CCDC172: variants seen among roughly 807,000 people sequenced by gnomAD.
CCDC172 encodes coiled-coil domain-containing protein 172.
Under a neutral mutation model 38.0 loss-of-function variants are expected in CCDC172, and 30 were observed. The ratio of observed to expected loss-of-function variants is 0.79; its 90% CI spans 0.59 to 1.07. The LOEUF is 1.07. Among genes scored for constraint, CCDC172 ranks in the 50% least tolerant of loss-of-function variants. CCDC172 has a pLI of 0.00. For missense variants in CCDC172, 297 were observed against 290.1 expected (o/e 1.02, Z -0.17); for synonymous variants, 78 against 88.3 (o/e 0.88, Z 0.66).
At chr10:116,346,964 A>G (rs1270870175) in intron 5 of CCDC172, among the ~76,000 whole-genome samples, 2 of 152,174 alleles carry the variant, frequency 1.3e-5, no homozygotes, top group African/African-American at 2.4e-5. Flanking sequence ...ATATAAGTAG[A>G]CTTAAACTGG....
intron 5 of CCDC172, among the ~76,000 whole-genome samples, chr10:116,344,247 T>G (rs1013485760): frequency 1.3e-5 from 2 of 152,192 alleles, no homozygotes; most frequent in Non-Finnish European, 2.9e-5. Context: ...GAGAAATGCA[T>G]TCTTAGTCAG....
At chr10:116,377,947 C>T (rs1845267964) in intron 7 of CCDC172, among the ~76,000 whole-genome samples, 1 of 152,054 alleles carries the variant, frequency 6.6e-6, no homozygotes, top group Non-Finnish European at 1.5e-5. Context: ...TTGGGAGGTT[C>T]AGGCAGGTGA....
chr10:116,345,130 T>C (rs1844850007), intron 5 of CCDC172, among the ~76,000 whole-genome samples: 1 of 152,158 alleles, frequency 6.6e-6, no homozygotes, highest in Non-Finnish European at 1.5e-5. Context: ...GTAATCAAGA[T>C]AATGTGTCAC....
intron 5 of CCDC172, among the ~76,000 whole-genome samples, chr10:116,345,565 C>T (rs1844855371): frequency 2.6e-5 from 4 of 152,134 alleles, no homozygotes; most frequent in Non-Finnish European, 2.9e-5. Flanking sequence ...TTAAATATAT[C>T]TTCCAATGTA....
intron 7 of CCDC172, among the ~76,000 whole-genome samples, chr10:116,366,277 C>T (rs958833867): frequency 2.6e-5 from 4 of 152,058 alleles, no homozygotes; most frequent in Non-Finnish European, 5.9e-5. Context: ...ATTCCATACT[C>T]CCTTCATTAC....
At chr10:116,347,376 A>C (rs530466742) in intron 5 of CCDC172, among the ~76,000 whole-genome samples, 6 of 152,328 alleles carry the variant, frequency 3.9e-5, no homozygotes, top group African/African-American at 1.4e-4. Flanking sequence ...ATCAGAGGTC[A>C]TTGGTGGCCT....
At chr10:116,370,607 A>G (rs993181255) in intron 7 of CCDC172, among the ~76,000 whole-genome samples, 2 of 151,466 alleles carry the variant, frequency 1.3e-5, no homozygotes, top group African/African-American at 2.4e-5. Flanking sequence ...ATTATAAAAG[A>G]TAAATAGTAG....
chr10:116,324,827 C>CCCTCAGACA, intron 1 of CCDC172, 120 bp from the exon 2 acceptor site: 1 of 602,786 alleles, frequency 1.7e-6, no homozygotes, highest in East Asian at 2.8e-5. Flanking sequence ...ACCCTCAGAC[C>CCCTCAGACA]CCTCAGACAC....
chr10:116,367,257 A>C (rs975431502), intron 7 of CCDC172, among the ~76,000 whole-genome samples: 1 of 152,186 alleles, frequency 6.6e-6, no homozygotes. Flanking sequence ...AGGATTTTGA[A>C]TGTTCTCATG....
intron 5 of CCDC172, among the ~76,000 whole-genome samples, chr10:116,352,702 G>T (rs1844945406): frequency 6.6e-6 from 1 of 151,410 alleles, no homozygotes; most frequent in Admixed American, 6.6e-5. Flanking sequence ...CTAAGATCAG[G>T]AACAAGACAA....
intron 3 of CCDC172, among the ~76,000 whole-genome samples, chr10:116,339,464 T>C (rs1457941010): frequency 6.6e-6 from 1 of 151,930 alleles, no homozygotes; most frequent in Non-Finnish European, 1.5e-5. Context: ...GATTTGGCCA[T>C]ATGTTTTCTA....
chr10:116,343,519 T>G (rs1196122440), intron 5 of CCDC172, among the ~76,000 whole-genome samples: 8 of 146,332 alleles, frequency 5.5e-5, no homozygotes, highest in East Asian at 2.0e-4. Flanking sequence ...TCATTCGTTT[T>G]TTTTTTTTTT....
intron 3 of CCDC172, among the ~76,000 whole-genome samples, chr10:116,327,025 C>T (rs1844601063): frequency 6.6e-6 from 1 of 152,086 alleles, no homozygotes; most frequent in African/African-American, 2.4e-5. Flanking sequence ...TATCTAGAAG[C>T]TAATAGAAGT....
chr10:116,351,058 C>CT (rs1170158117), intron 5 of CCDC172, among the ~76,000 whole-genome samples: 1 of 151,710 alleles, frequency 6.6e-6, no homozygotes, highest in Non-Finnish European at 1.5e-5. Flanking sequence ...TTAGACTTAC[C>CT]TTTTTCATTT....
intron 3 of CCDC172, among the ~76,000 whole-genome samples, chr10:116,340,018 A>G (rs527835877): frequency 6.6e-6 from 1 of 152,096 alleles, no homozygotes; most frequent in South Asian, 2.1e-4. Flanking sequence ...GAAAAATTAC[A>G]GTATTTCCAG....
chr10:116,374,974 G>C (rs545534642), intron 7 of CCDC172, among the ~76,000 whole-genome samples: 6 of 150,856 alleles, frequency 4.0e-5, no homozygotes, highest in Admixed American at 1.3e-4. Flanking sequence ...ATCAACACCT[G>C]GTACTGCCTA....
intron 7 of CCDC172, among the ~76,000 whole-genome samples, chr10:116,365,246 TATATGCTAA>T (rs1565722662): frequency 6.6e-6 from 1 of 152,198 alleles, no homozygotes; most frequent in Non-Finnish European, 1.5e-5. Flanking sequence ...ACAGCTTGAT[TATATGCTAA>T]ATAGGGAAGT....
At chr10:116,328,941 T>G (rs750864804) in intron 3 of CCDC172, among the ~76,000 whole-genome samples, 16 of 152,184 alleles carry the variant, frequency 1.1e-4, no homozygotes, top group Non-Finnish European at 1.6e-4. Flanking sequence ...CAAAAAAATT[T>G]AGATCCTACC....
At chr10:116,359,652 C>T (rs1273614956) in intron 7 of CCDC172, among the ~76,000 whole-genome samples, 5 of 152,182 alleles carry the variant, frequency 3.3e-5, no homozygotes, top group South Asian at 2.1e-4. Flanking sequence ...TTGCAAAGTC[C>T]CCCCAAGTTG....
Sources: gnomAD v4.1 joint callset for allele counts (sites outside exome capture counted in the v4.1 genomes callset) on GRCh38, gnomAD v4.1.1 for gene constraint, MANE v1.5 for transcripts, NCBI Gene and HGNC (gene_info 2026-07-23, HGNC 2026-07-21) for gene names.